Variants in COL26A1 observed in about 807,000 individuals in gnomAD.
COL26A1 encodes the protein collagen alpha-1(XXVI) chain.
Under a neutral mutation model 59.3 loss-of-function variants are expected in COL26A1, and 41 were observed. That is an observed-to-expected ratio of 0.69 (90% CI 0.54 to 0.90). The LOEUF is 0.90. Among genes scored for constraint, COL26A1 ranks in the 40% least tolerant of loss-of-function variants. The pLI is 0.00. For synonymous variants in COL26A1, 266 were observed against 256.0 expected (o/e 1.04, Z -0.37); for missense variants, 612 against 602.3 (o/e 1.02, Z -0.17).
intron 1 of COL26A1, among the ~76,000 whole-genome samples, chr7:101,374,430 C>G (rs1791262109): frequency 6.6e-6 from 1 of 152,184 alleles, no homozygotes; most frequent in Non-Finnish European, 1.5e-5. Context: ...GGCCGCACAG[C>G]AGGAGGTGAG....
At chr7:101,392,322 C>T (rs1383398368) in intron 1 of COL26A1, among the ~76,000 whole-genome samples, 2 of 151,748 alleles carry the variant, frequency 1.3e-5, no homozygotes, top group African/African-American at 2.4e-5. Flanking sequence ...CTATAGGCAC[C>T]GGTTCCTTTT....
At chr7:101,404,593 G>A (rs1792085214) in intron 1 of COL26A1, among the ~76,000 whole-genome samples, 1 of 152,144 alleles carries the variant, frequency 6.6e-6, no homozygotes, top group African/African-American at 2.4e-5. Context: ...CATAGCAGAT[G>A]TTACCATTAA....
At chr7:101,451,687 T>C (rs1290047268) in intron 3 of COL26A1, among the ~76,000 whole-genome samples, 1 of 150,468 alleles carries the variant, frequency 6.6e-6, no homozygotes, top group East Asian at 1.9e-4. Context: ...TTGTCTCTAC[T>C]GAAAAGAAAT....
At chr7:101,451,996 C>T (rs1046303558) in intron 3 of COL26A1, among the ~76,000 whole-genome samples, 8 of 152,062 alleles carry the variant, frequency 5.3e-5, no homozygotes, top group Admixed American at 2.6e-4. Flanking sequence ...CGTGAGCCAC[C>T]GCGCACAGCC....
At chr7:101,478,641 T>C (rs1349252911) in intron 3 of COL26A1, among the ~76,000 whole-genome samples, 1 of 152,222 alleles carries the variant, frequency 6.6e-6, no homozygotes, top group Non-Finnish European at 1.5e-5. Flanking sequence ...TTTTAACTTT[T>C]TATTTTGAAA....
At position 101,530,990 on chromosome 7, in the gene COL26A1, A is replaced by C. The variant is rs538603723; in HGVS notation, c.386-2092A>C. Among the ~76,000 whole-genome samples, 241 of 148,946 alleles carry C rather than the reference A, an allele frequency of 1.6e-3. 1 individual carries two copies. Among genetic ancestry groups the C allele is most frequent in the Non-Finnish European group, 2.9e-3 (198 of 67,370 alleles). ...TTTGTTTTTTTGTTTTTTTGTTTTG[A>C]GAAGAAGTCTCACTCTGTCACCCAG... On this transcript the variant is annotated intron_variant, in intron 3 of 12. Transcript: ENST00000313669.
intron 1 of COL26A1, among the ~76,000 whole-genome samples, chr7:101,364,520 A>G (rs1790994548): frequency 6.6e-6 from 1 of 151,432 alleles, no homozygotes; most frequent in Non-Finnish European, 1.5e-5. Context: ...ACAGAGGCTC[A>G]GGATTTGCTA....
intron 2 of COL26A1, among the ~76,000 whole-genome samples, chr7:101,447,253 C>A (rs879272572): frequency 2.6e-5 from 4 of 152,146 alleles, no homozygotes; most frequent in East Asian, 1.9e-4. Context: ...GGCTGCATGA[C>A]CCCGTAAACC....
At chr7:101,383,356 T>G (rs1462469524) in intron 1 of COL26A1, among the ~76,000 whole-genome samples, 1 of 151,938 alleles carries the variant, frequency 6.6e-6, no homozygotes, top group Non-Finnish European at 1.5e-5. Flanking sequence ...TTTTTATTTT[T>G]ATTTTTTATT....
chr7:101,451,523 A>ATTTCTGAT (rs1370740577), intron 3 of COL26A1, among the ~76,000 whole-genome samples: 1 of 149,116 alleles, frequency 6.7e-6, no homozygotes, highest in African/African-American at 2.4e-5. Flanking sequence ...AACATTTTGG[A>ATTTCTGAT]TTTCTGATTT....
At chr7:101,463,913 C>T (rs62464277) in intron 3 of COL26A1, among the ~76,000 whole-genome samples, 657 of 41,122 alleles carry the variant, frequency 0.016, 10 homozygotes, top group South Asian at 0.043. Flanking sequence ...TTTTCTTTCT[C>T]TCTTTCTTTC....
intron 1 of COL26A1, among the ~76,000 whole-genome samples, chr7:101,393,594 C>T (rs1264607122): frequency 6.6e-6 from 1 of 152,120 alleles, no homozygotes; most frequent in East Asian, 1.9e-4. Context: ...ACTTTGCATC[C>T]TTCAATCCAA....
chr7:101,389,420 C>G (rs368034275), intron 1 of COL26A1, among the ~76,000 whole-genome samples: 1 of 149,504 alleles, frequency 6.7e-6, no homozygotes, highest in East Asian at 2.0e-4. Context: ...CACTCTGAAG[C>G]CCATGCTAGA....
chr7:101,399,170 G>T (rs1791933095), intron 1 of COL26A1, among the ~76,000 whole-genome samples: 1 of 151,996 alleles, frequency 6.6e-6, no homozygotes, highest in Non-Finnish European at 1.5e-5. Flanking sequence ...GCCAGGTGTG[G>T]TGGCGCAGGC....
intron 2 of COL26A1, among the ~76,000 whole-genome samples, chr7:101,436,489 G>A (rs1040250162): frequency 6.6e-5 from 10 of 152,052 alleles, no homozygotes; most frequent in African/African-American, 2.4e-4. Flanking sequence ...GAAGGGGTAC[G>A]TGCCCAGTGA....
At chr7:101,520,398 G>A (rs1795114915) in intron 3 of COL26A1, among the ~76,000 whole-genome samples, 2 of 152,106 alleles carry the variant, frequency 1.3e-5, no homozygotes, top group Non-Finnish European at 2.9e-5. Flanking sequence ...ACTCATTTAA[G>A]AACTGGCCAG....
chr7:101,469,515 C>G (rs1197434252), intron 3 of COL26A1, among the ~76,000 whole-genome samples: 1 of 146,444 alleles, frequency 6.8e-6, no homozygotes, highest in Non-Finnish European at 1.5e-5. Flanking sequence ...TTTTTTGAGA[C>G]AGAGTTTTGC....
At chr7:101,490,015 C>T (rs2130527222) in intron 3 of COL26A1, among the ~76,000 whole-genome samples, 1 of 150,344 alleles carries the variant, frequency 6.7e-6, no homozygotes, top group East Asian at 2.0e-4. Context: ...CGGCTCACTG[C>T]AACCTCCGCC....
chr7:101,477,518 C>T (rs1271270142), intron 3 of COL26A1, among the ~76,000 whole-genome samples: 1 of 152,164 alleles, frequency 6.6e-6, no homozygotes, highest in Non-Finnish European at 1.5e-5. Flanking sequence ...GGCCATCTGC[C>T]AGCTAGGAGC....
Sources: allele counts gnomAD v4.1 joint callset (sites outside exome capture counted in the v4.1 genomes callset), GRCh38; gene constraint gnomAD v4.1.1; transcripts MANE v1.5; gene names NCBI Gene and HGNC (gene_info 2026-07-23, HGNC 2026-07-21).